Variants in KRT83 observed in about 807,000 individuals in gnomAD.
KRT83 encodes the protein keratin, type II cuticular Hb3.
In KRT83, 51 loss-of-function variants were observed where a neutral mutation model predicts 52.9. That is an observed-to-expected ratio of 0.96 (90% CI 0.77 to 1.22). The LOEUF (loss-of-function observed/expected upper bound fraction) is 1.22. Ranked by LOEUF, KRT83 falls within the 50% of genes most tolerant of loss-of-function variation. The pLI, the probability that KRT83 is intolerant of heterozygous loss-of-function variation, is 0.00. For missense variants in KRT83, 654 were observed against 666.5 expected (o/e 0.98, Z 0.21); for synonymous variants, 278 against 274.1 (o/e 1.01, Z -0.14).
At position 52,321,153 on chromosome 12, in the gene KRT83, G is replaced by C; in HGVS notation, c.183C>G (p.Ala61=). The C allele has an allele frequency of 1.2e-6, 2 of 1,612,340 alleles. No individual in the cohort carries two copies. Among genetic ancestry groups the C allele is most frequent in the Non-Finnish European group, 1.7e-6 (2 of 1,179,584 alleles). The change falls in exon 1 of 9, where the codon GCC becomes GCG. Residue 61 remains alanine, a synonymous_variant. Transcript: ENST00000293670. ...GSHSVCGGFR[A]GSCGRSFGYR... is the part of the protein sequence containing the mutation. ...AGCCGAAGCTGCGTCCGCAGGAGCC[G>C]GCGCGGAAGCCCCCGCACACGCTGT...
Position 52,321,266 on chromosome 12 carries a change from C to G in KRT83, c.70G>C (p.Gly24Arg). ...PGNFSCVSAC[G>R]PRPSRCCITA... is the part of the protein sequence containing the mutation. ...ATGCAGCAGCGGCTTGGCCGGGGCC[C>G]GCAGGCAGAGACACAGCTGAAGTTT... Residue 24 changes from glycine (G) to arginine (R), a missense_variant, in exon 1 of 9, where the codon GGG (glycine) becomes CGG (arginine). Coordinates refer to ENST00000293670, the MANE Select transcript of KRT83 (RefSeq NM_002282.3). 1 of 1,613,498 alleles carries G rather than the reference C, an allele frequency of 6.2e-7. No individual in the cohort carries two copies. The highest frequency in any genetic ancestry group is 8.5e-7 in the Non-Finnish European group (1 of 1,179,982).
At position 52,314,457 on chromosome 12, in the gene KRT83, G is replaced by GA. The variant is rs1565753863; in HGVS notation, c.*173_*174insT. 2.9e-6 allele frequency: 2 copies of GA among 688,522 alleles called. No homozygotes were observed. The highest frequency in any genetic ancestry group is 5.4e-5 in the East Asian group (2 of 36,786). The allele number at this position is 688,522 out of a possible 1,614,324, so 42.7% of individuals were successfully genotyped here. A position where few individuals can be genotyped will look rare whatever the true frequency, so the allele number is the denominator to read the frequency against. On this transcript the variant is annotated 3_prime_UTR_variant, in exon 9 of 9. Transcript: ENST00000293670. Reference sequence around the variant, plus strand: ...GAATGGGTCTATTCCCCAGCCACAGGCCCCTTTCCAGTGGGATGAAAGGTG... The same window carrying GA: ...GAATGGGTCTATTCCCCAGCCACAGGACCCCTTTCCAGTGGGATGAAAGGTG...
intron 1 of KRT83, among the ~76,000 whole-genome samples, chr12:52,320,052 C>G (rs973275869): frequency 6.6e-6 from 1 of 152,202 alleles, no homozygotes; most frequent in African/African-American, 2.4e-5. Flanking sequence ...CCTCTCCCAG[C>G]GATGAGGTTG....
At chr12:52,319,455 CT>C (rs1938738917) in intron 1 of KRT83, 91 bp from the exon 2 acceptor site, 1 of 1,554,642 alleles carries the variant, frequency 6.4e-7, no homozygotes, top group African/African-American at 1.4e-5. Context: ...AAGCCCCCAA[CT>C]CTCTGACCCA....
At position 52,314,339 on chromosome 12, in the gene KRT83, G is replaced by A. The variant is rs1383907889; in HGVS notation, c.*292C>T. 43 of 510,182 alleles carry A rather than the reference G, an allele frequency of 8.4e-5. No individual in the cohort carries two copies. The Admixed American group carries it at 1.4e-3, about 16-fold the overall frequency. 31.6% of individuals were successfully genotyped at this position (510,182 alleles called of 1,614,324 possible). On this transcript the variant is annotated 3_prime_UTR_variant, in exon 9 of 9. Coordinates refer to ENST00000293670, the MANE Select transcript of KRT83 (RefSeq NM_002282.3). Reference sequence around the variant, plus strand: ...TTTATTGGAAAAGGGGAGACAAGAGGCCAGAGAGGCAGGGGGAACAGTCTC... The same window carrying A: ...TTTATTGGAAAAGGGGAGACAAGAGACCAGAGAGGCAGGGGGAACAGTCTC...
intron 7 of KRT83, 106 bp downstream of exon 7, chr12:52,315,787 A>C: frequency 6.9e-7 from 1 of 1,459,216 alleles, no homozygotes; most frequent in Non-Finnish European, 9.5e-7. Flanking sequence ...TGGATCTGGG[A>C]TCCATAGAGG....
In KRT83 at chr12:52,314,690, G is replaced by C. The variant is rs200232339; in HGVS notation, c.1423C>G (p.Pro475Ala). Residue 475 changes from proline to alanine, a missense_variant, in exon 9 of 9, where the codon CCC becomes GCC. By Grantham distance (27) the Pro-to-Ala change is conservative. Coordinates refer to ENST00000293670, the MANE Select transcript of KRT83 (RefSeq NM_002282.3). ...CAGGTGGTGTTCAGCTGGCCACAGG[G>C]CTTGCACAAACCAGTGCTCACCACC... ...NLVVSTGLCKPCGQLNTTCGG... is the reference protein window; with the variant it reads ...NLVVSTGLCKACGQLNTTCGG... The C allele has an allele frequency of 1.9e-6, 3 of 1,583,906 alleles. No homozygotes were observed. Among genetic ancestry groups the C allele is most frequent in the African/African-American group, 2.7e-5 (2 of 74,638 alleles).
chr12:52,317,853 A>G, intron 3 of KRT83, 57 bp downstream of exon 3: 3 of 1,611,412 alleles, frequency 1.9e-6, no homozygotes, highest in Non-Finnish European at 2.5e-6. Context: ...GTGGCAGGAC[A>G]AAGAGGATGG....
At position 52,314,611 on chromosome 12, in the gene KRT83, CT is replaced by C. The variant is rs778405583; in HGVS notation, c.*19del. 1.2e-4 allele frequency: 191 copies of C among 1,553,262 alleles called. No homozygotes were observed. Among genetic ancestry groups the C allele is most frequent in the Non-Finnish European group, 1.3e-4 (147 of 1,148,482 alleles). ...CGTCTGGCAGGCAGAAGGGGCTCCC[CT>C]GGCTCTCTTTTGGGCCACTTAATGC... is the stretch of plus-strand genomic sequence containing the variant. On this transcript the variant is annotated 3_prime_UTR_variant, in exon 9 of 9. Transcript: ENST00000293670.
At chr12:52,316,705 G>A in intron 5 of KRT83, 112 bp from the exon 6 acceptor site, 1 of 1,594,928 alleles carries the variant, frequency 6.3e-7, no homozygotes, top group Non-Finnish European at 8.6e-7. Context: ...ACCACACGTG[G>A]CAGTCCTGCC....
intron 1 of KRT83, 102 bp downstream of exon 1, chr12:52,320,850 T>C: frequency 6.2e-7 from 1 of 1,610,122 alleles, no homozygotes; most frequent in Non-Finnish European, 8.5e-7. Flanking sequence ...CCTGGGAACT[T>C]CTGTGGGCAA....
chr12:52,319,388 A>AG, intron 1 of KRT83, 24 bp from the exon 2 acceptor site: 2 of 1,612,962 alleles, frequency 1.2e-6, no homozygotes, highest in Non-Finnish European at 1.7e-6. Context: ...GCAGAGCCTA[A>AG]GAACCTCTTC....
intron 4 of KRT83, among the ~76,000 whole-genome samples, 200 bp from the exon 5 acceptor site, chr12:52,317,223 G>C (rs1592447095): frequency 6.6e-6 from 1 of 152,268 alleles, no homozygotes; most frequent in South Asian, 2.1e-4. Flanking sequence ...CTTGCTTTTG[G>C]AATTATTCAG....
chr12:52,317,674 C>T lies in KRT83; in HGVS notation c.750+7G>A, dbSNP rs775955586. On this transcript the variant is annotated splice_region_variant and intron_variant, in intron 4 of 8. Coordinates refer to ENST00000293670, the MANE Select transcript of KRT83 (RefSeq NM_002282.3). Reference sequence around the variant, plus strand: ...ATCTGTGCCCACCATGGTTGAGAGCCCCTCACCTCCTCGTACAGCCGCCTC... The same window carrying T: ...ATCTGTGCCCACCATGGTTGAGAGCTCCTCACCTCCTCGTACAGCCGCCTC... 2.5e-6 allele frequency: 4 copies of T among 1,611,908 alleles called. No individual in the cohort carries two copies. In the South Asian group the frequency reaches 3.3e-5, roughly 13 times the overall value.
Position 52,314,814 on chromosome 12 carries a change from G to A in KRT83, c.1299C>T (p.Val433=), listed in dbSNP as rs754157290. 6.2e-7 allele frequency: 1 copy of A among 1,603,884 alleles called. No homozygotes were observed. Among genetic ancestry groups the A allele is most frequent in the East Asian group, 2.2e-5 (1 of 44,578 alleles). ...CEGVEAVNVC[V]SSSRGGVVCG... ...ACACAACCCCACCCCGGGAGCTGCT[G>A]ACACCTGTGGGAACAAGGGCAGGGT... Residue 433 remains valine, a synonymous_variant, in exon 9 of 9, where the codon GTC becomes GTT. Coordinates refer to ENST00000293670, the MANE Select transcript of KRT83 (RefSeq NM_002282.3).
Position 52,316,888 on chromosome 12 carries a change from C to G in KRT83, c.886G>C (p.Ala296Pro). The G allele has an allele frequency of 6.2e-7, 1 of 1,614,206 alleles. No homozygotes were observed. The highest frequency in any genetic ancestry group is 8.5e-7 in the Non-Finnish European group (1 of 1,180,038). The change falls in exon 5 of 9, where the codon GCT (alanine) becomes CCT (proline). Residue 296 changes from alanine (A) to proline (P), a missense_variant. By Grantham distance (27) the Ala-to-Pro change is conservative. Coordinates refer to ENST00000293670, the MANE Select transcript of KRT83 (RefSeq NM_002282.3). ...CTGCGATACCAGGACTCGGCCTCAG[C>G]CCGGCTACGGGTGGCAATGTCATCA... ...QYDDIATRSR[A>P]EAESWYRSKC...
rs1555189015 is a variant in KRT83 at position 52,315,878 on chromosome 12, C to T, written c.1262+15G>A. 1 of 1,612,244 alleles carries T rather than the reference C, an allele frequency of 6.2e-7. No homozygotes were observed. The highest frequency in any genetic ancestry group is 8.5e-7 in the Non-Finnish European group (1 of 1,179,850). ...GTCTATGCAAGTGGAGTGCTTAGGG[C>T]TGGGTTGGACCCACCTCTGCTCCTC... On this transcript the variant is annotated intron_variant, in intron 7 of 8. Coordinates refer to ENST00000293670, the MANE Select transcript of KRT83 (RefSeq NM_002282.3).
At position 52,315,974 on chromosome 12, in the gene KRT83, T is replaced by C. The variant is rs1032488954; in HGVS notation, c.1181A>G (p.Tyr394Cys). The change falls in exon 7 of 9, where the codon TAC becomes TGC. Residue 394 changes from tyrosine (Y) to cysteine (C), a missense_variant. By Grantham distance (194) the Tyr-to-Cys change is radical. Coordinates refer to ENST00000293670, the MANE Select transcript of KRT83 (RefSeq NM_002282.3). ...KQDMACLIRE[Y>C]QEVMNSKLGL... ...TAGCTTGGAGTTCATCACCTCCTGG[T>C]ACTCCCTGATCAGGCAGGCCATGTC... 1.2e-6 allele frequency: 2 copies of C among 1,613,006 alleles called. No homozygotes were observed. The highest frequency in any genetic ancestry group is 2.7e-5 in the African/African-American group (2 of 74,884).
rs537011326 is a variant in KRT83, at chr12:52,321,113, C to G, written c.223G>C (p.Val75Leu). The G allele has an allele frequency of 2.5e-6, 4 of 1,612,334 alleles. No homozygotes were observed. Among genetic ancestry groups the G allele is most frequent in the Non-Finnish European group, 3.4e-6 (4 of 1,179,902 alleles). Residue 75 changes from valine to leucine, a missense_variant, in exon 1 of 9, where the codon GTG (valine) becomes CTG (leucine). Transcript: ENST00000293670. The part of the protein sequence containing the change: ...GRSFGYRSGG[V>L]CGPSPPCITT... The stretch of plus-strand genomic sequence containing the variant: ...ATGCATGGGGGGCTGGGTCCGCACA[C>G]GCCCCCGGAGCGGTAGCCGAAGCTG...
Sources: gnomAD v4.1 joint callset for allele counts (sites outside exome capture counted in the v4.1 genomes callset) on GRCh38, gnomAD v4.1.1 for gene constraint, MANE v1.5 for transcripts, NCBI Gene and HGNC (gene_info 2026-07-23, HGNC 2026-07-21) for gene names.